ARHGAP31: variants seen among roughly 807,000 people sequenced by gnomAD.
The protein encoded by ARHGAP31 is rho GTPase-activating protein 31.
In ARHGAP31, 34 loss-of-function variants were observed where a neutral mutation model predicts 113.9. The ratio of observed to expected loss-of-function variants is 0.30; its 90% CI spans 0.23 to 0.40. ARHGAP31 has a LOEUF of 0.40. Among genes scored for constraint, ARHGAP31 ranks in the 10% least tolerant of loss-of-function variants. The pLI is 1.00. For missense variants in ARHGAP31, 1,548 were observed against 1,767.1 expected (o/e 0.88, Z 2.22); for synonymous variants, 650 against 684.8 (o/e 0.95, Z 0.79).
chr3:119,399,822 T>C (rs2080584312), intron 9 of ARHGAP31, among the ~76,000 whole-genome samples: 1 of 152,240 alleles, frequency 6.6e-6, no homozygotes, highest in African/African-American at 2.4e-5. Flanking sequence ...AACCACAATA[T>C]CCTTTGTTGG....
chr3:119,395,865 C>G (rs572121101), intron 8 of ARHGAP31, among the ~76,000 whole-genome samples: 2 of 152,064 alleles, frequency 1.3e-5, no homozygotes, highest in Non-Finnish European at 2.9e-5. Context: ...GGAAAGATAG[C>G]CTGAATGAAG....
intron 1 of ARHGAP31, among the ~76,000 whole-genome samples, chr3:119,335,595 C>T (rs2079937588): frequency 6.6e-6 from 1 of 152,128 alleles, no homozygotes; most frequent in Non-Finnish European, 1.5e-5. Flanking sequence ...CAGGCTTCCA[C>T]AGGGATTTGG....
intron 1 of ARHGAP31, among the ~76,000 whole-genome samples, chr3:119,335,268 C>T (rs1403023725): frequency 6.6e-6 from 1 of 152,170 alleles, no homozygotes; most frequent in African/African-American, 2.4e-5. Context: ...ATTATTTAAT[C>T]TCTCTGAGCC....
At chr3:119,311,394 G>A (rs1254943266) in intron 1 of ARHGAP31, among the ~76,000 whole-genome samples, 1 of 152,124 alleles carries the variant, frequency 6.6e-6, no homozygotes, top group African/African-American at 2.4e-5. Context: ...GTCTTCCTCT[G>A]TCTGATCTGC....
At chr3:119,386,699 C>T (rs895620810) in intron 6 of ARHGAP31, among the ~76,000 whole-genome samples, 10 of 152,186 alleles carry the variant, frequency 6.6e-5, no homozygotes, top group Non-Finnish European at 2.9e-5. Flanking sequence ...CCCCAAATGT[C>T]GGGCTGCGCT....
In ARHGAP31 at chr3:119,390,869, G is replaced by T. The variant is rs758743158; in HGVS notation, c.767G>T (p.Arg256Leu). 14 of 1,613,874 alleles carry T rather than the reference G, an allele frequency of 8.7e-6. No individual in the cohort carries two copies. The highest frequency in any genetic ancestry group is 1.3e-5 in the African/African-American group (1 of 74,918). ...GTGAGCCTTGAGGAAGCTCAAGCCC[G>T]CAGCCTGGCCACTAACCATCCTGCT... ...KLVSLEEAQARSLATNHPARK... is the reference protein window; with the variant it reads ...KLVSLEEAQALSLATNHPARK... The change falls in exon 7 of 12, where the codon CGC becomes CTC. Residue 256 changes from arginine (R) to leucine (L), a missense_variant. Physicochemically the swap from Arg to Leu is moderately radical, Grantham distance 102. Transcript: ENST00000264245.
chr3:119,381,085 A>G, intron 4 of ARHGAP31, 99 bp downstream of exon 4: 2 of 1,217,550 alleles, frequency 1.6e-6, no homozygotes. Flanking sequence ...TGTGGACAGT[A>G]GCAAGTTTAG....
intron 1 of ARHGAP31, among the ~76,000 whole-genome samples, chr3:119,321,948 C>T (rs754803199): frequency 6.6e-6 from 1 of 152,230 alleles, no homozygotes; most frequent in African/African-American, 2.4e-5. Flanking sequence ...CCACCACGCC[C>T]GGCCCATAGT....
chr3:119,400,303 G>A (rs2080589622), intron 9 of ARHGAP31, among the ~76,000 whole-genome samples: 1 of 152,022 alleles, frequency 6.6e-6, no homozygotes, highest in South Asian at 2.1e-4. Context: ...AGGCGTGGTG[G>A]TGCATGCCTA....
At chr3:119,394,399 G>T (rs2080530225) in intron 8 of ARHGAP31, among the ~76,000 whole-genome samples, 1 of 152,122 alleles carries the variant, frequency 6.6e-6, no homozygotes, top group African/African-American at 2.4e-5. Context: ...TACCCCATGG[G>T]ACTTATTTCT....
At chr3:119,366,913 CCAACATGATGAAA>C (rs2080256417) in intron 2 of ARHGAP31, among the ~76,000 whole-genome samples, 1 of 151,876 alleles carries the variant, frequency 6.6e-6, no homozygotes, top group African/African-American at 2.4e-5. Context: ...ACAAGCCTGG[CCAACATGATGAAA>C]CTCCGTCTCT....
At position 119,420,608 on chromosome 3, in the gene ARHGAP31, T is replaced by C. The variant is rs1159383270; in HGVS notation, c.*4344T>C. 1 of 152,200 alleles carries C rather than the reference T, an allele frequency of 6.6e-6. No individual in the cohort carries two copies. Among genetic ancestry groups the C allele is most frequent in the Admixed American group, 6.5e-5 (1 of 15,286 alleles). 9.4% of individuals were successfully genotyped at this position (152,200 alleles called of 1,614,324 possible). On this transcript the variant is annotated 3_prime_UTR_variant, in exon 12 of 12. Coordinates refer to ENST00000264245, the MANE Select transcript of ARHGAP31 (RefSeq NM_020754.4). ...AGCTAAATATAAGAAGCTTACAAGG[T>C]CCATAGCCATGTATTTTACTGGATA... is the stretch of plus-strand genomic sequence containing the variant.
At chr3:119,354,640 T>A (rs1451331335) in intron 1 of ARHGAP31, among the ~76,000 whole-genome samples, 1 of 151,062 alleles carries the variant, frequency 6.6e-6, no homozygotes, top group African/African-American at 2.4e-5. Context: ...GCCTCCCGAG[T>A]AGCTGGTATT....
intron 8 of ARHGAP31, among the ~76,000 whole-genome samples, chr3:119,396,120 T>C (rs959013667): frequency 3.3e-5 from 5 of 152,196 alleles, no homozygotes; most frequent in African/African-American, 1.2e-4. Context: ...GTGGTTTGCT[T>C]TGATCTTAGG....
At position 119,390,872 on chromosome 3, in the gene ARHGAP31, G is replaced by T. The variant is rs2080497686; in HGVS notation, c.770G>T (p.Ser257Ile). 6.2e-7 allele frequency: 1 copy of T among 1,614,060 alleles called. No individual in the cohort carries two copies. Among genetic ancestry groups the T allele is most frequent in the Non-Finnish European group, 8.5e-7 (1 of 1,180,036 alleles). Residue 257 changes from serine to isoleucine, a missense_variant, in exon 7 of 12, where the codon AGC becomes ATC. Transcript: ENST00000264245. Reference protein sequence around the residue: ...LVSLEEAQARSLATNHPARKE... With the variant: ...LVSLEEAQARILATNHPARKE... Reference sequence around the variant, plus strand: ...AGCCTTGAGGAAGCTCAAGCCCGCAGCCTGGCCACTAACCATCCTGCTCGC... The same window carrying T: ...AGCCTTGAGGAAGCTCAAGCCCGCATCCTGGCCACTAACCATCCTGCTCGC...
At chr3:119,377,642 T>A (rs1289755510) in intron 3 of ARHGAP31, among the ~76,000 whole-genome samples, 1 of 151,938 alleles carries the variant, frequency 6.6e-6, no homozygotes. Flanking sequence ...TCCACAGGTG[T>A]AACAAAGACA....
Position 119,414,678 on chromosome 3 carries a change from C to G in ARHGAP31, c.2749C>G (p.Pro917Ala). 2 of 1,614,184 alleles carry G rather than the reference C, an allele frequency of 1.2e-6. No homozygotes were observed. Among genetic ancestry groups the G allele is most frequent in the Non-Finnish European group, 1.7e-6 (2 of 1,180,032 alleles). The change falls in exon 12 of 12, where the codon CCC (proline) becomes GCC (alanine). Residue 917 changes from proline (P) to alanine (A), a missense_variant. Coordinates refer to ENST00000264245, the MANE Select transcript of ARHGAP31 (RefSeq NM_020754.4). ...PWEEPQWVTS[P>A]LHSPTLKDAH... is the part of the protein sequence containing the mutation. ...GGAGGAACCCCAGTGGGTGACGAGTCCCCTTCACTCTCCCACCCTGAAAGA... is the reference window on the plus strand; with the variant it reads ...GGAGGAACCCCAGTGGGTGACGAGTGCCCTTCACTCTCCCACCCTGAAAGA...
At chr3:119,400,840 C>G (rs1239755956) in intron 9 of ARHGAP31, among the ~76,000 whole-genome samples, 4 of 152,154 alleles carry the variant, frequency 2.6e-5, no homozygotes, top group African/African-American at 9.7e-5. Context: ...TATTTACTTC[C>G]CACGTAGGCT....
intron 2 of ARHGAP31, 56 bp from the exon 3 acceptor site, chr3:119,368,316 C>T: frequency 6.2e-7 from 1 of 1,610,538 alleles, no homozygotes; most frequent in Non-Finnish European, 8.5e-7. Flanking sequence ...CAAGCAGCTG[C>T]TGACATGGAA....
Sources: allele counts gnomAD v4.1 joint callset (sites outside exome capture counted in the v4.1 genomes callset), GRCh38; gene constraint gnomAD v4.1.1; transcripts MANE v1.5; gene names NCBI Gene and HGNC (gene_info 2026-07-23, HGNC 2026-07-21).